Variants in SGK1 observed in about 807,000 individuals in gnomAD.
SGK1 encodes serum/glucocorticoid regulated kinase 1.
SGK1 carries 26 observed loss-of-function variants against 64.2 expected under a neutral mutation model. The observed-to-expected ratio is 0.40, with a 90% CI of 0.30 to 0.56. SGK1 has a LOEUF of 0.56. Among genes scored for constraint, SGK1 ranks in the 20% least tolerant of loss-of-function variants. The probability of loss-of-function intolerance (pLI) is 0.38; values close to 1 mark genes in which losing one functional copy is unlikely to be tolerated. For synonymous variants in SGK1, 265 were observed against 239.7 expected, an observed-to-expected ratio of 1.11 and a Z score of -0.98; for missense variants, 519 against 645.6, an observed-to-expected ratio of 0.80 and a Z score of 2.12.
intron 1 of SGK1, among the ~76,000 whole-genome samples, chr6:134,268,446 C>T (rs1390660709): frequency 6.6e-6 from 1 of 152,104 alleles, no homozygotes; most frequent in Non-Finnish European, 1.5e-5. Flanking sequence ...AATTCCCAGG[C>T]CGGGCGCTGT....
intron 2 of SGK1, among the ~76,000 whole-genome samples, chr6:134,235,737 A>G (rs181294925): frequency 3.6e-4 from 54 of 151,528 alleles, no homozygotes; most frequent in Middle Eastern, 3.4e-3. Context: ...ATGCCTGGCT[A>G]ATTTTTTTTG....
intron 1 of SGK1, among the ~76,000 whole-genome samples, chr6:134,279,199 A>T (rs915302475): frequency 1.3e-5 from 2 of 152,192 alleles, no homozygotes; most frequent in Non-Finnish European, 2.9e-5. Flanking sequence ...TGGGAAGCCT[A>T]CATGGGTGGA....
chr6:134,199,015 A>T (rs1775638219), intron 3 of SGK1, among the ~76,000 whole-genome samples: 1 of 152,070 alleles, frequency 6.6e-6, no homozygotes, highest in Non-Finnish European at 1.5e-5. Context: ...CTTCCTTAGT[A>T]GCTGGGACCA....
At chr6:134,263,534 T>G (rs1386006247) in intron 1 of SGK1, among the ~76,000 whole-genome samples, 1 of 152,020 alleles carries the variant, frequency 6.6e-6, no homozygotes, top group Admixed American at 6.6e-5. Context: ...CCGGCCCATA[T>G]ATACTACTGC....
intron 1 of SGK1, among the ~76,000 whole-genome samples, chr6:134,291,872 C>T (rs894331279): frequency 6.6e-6 from 1 of 152,030 alleles, no homozygotes; most frequent in South Asian, 2.1e-4. Context: ...ACCAGCCTGA[C>T]CAACATGGTG....
chr6:134,298,018 G>T, intron 1 of SGK1: 1 of 888,234 alleles, frequency 1.1e-6, no homozygotes, highest in Non-Finnish European at 1.9e-6. Flanking sequence ...ATCTGGGACT[G>T]CAGCTCCCGA....
At chr6:134,175,409 A>G (rs1357638902) in intron 3 of SGK1, 17 of 1,289,686 alleles carry the variant, frequency 1.3e-5, no homozygotes, top group Admixed American at 1.2e-4. Context: ...TGCGCGCGCG[A>G]CCTCGCCCGC....
chr6:134,180,902 T>C (rs1775321526), intron 3 of SGK1, among the ~76,000 whole-genome samples: 1 of 151,214 alleles, frequency 6.6e-6, no homozygotes, highest in Non-Finnish European at 1.5e-5. Flanking sequence ...TCTGGCCTTA[T>C]ATTTTTGGCA....
intron 2 of SGK1, among the ~76,000 whole-genome samples, chr6:134,218,453 T>TC (rs1776024400): frequency 6.7e-6 from 1 of 150,116 alleles, no homozygotes; most frequent in Non-Finnish European, 1.5e-5. Flanking sequence ...TTTTTTTTTT[T>TC]GAGAGAGTCT....
At chr6:134,293,202 T>C (rs551480797) in intron 1 of SGK1, among the ~76,000 whole-genome samples, 206 of 152,314 alleles carry the variant, frequency 1.4e-3, no homozygotes, top group Non-Finnish European at 2.1e-3. Flanking sequence ...CACTATTACA[T>C]TGAAAACAAT....
At chr6:134,220,112 A>G (rs1203944217) in intron 2 of SGK1, among the ~76,000 whole-genome samples, 4 of 149,480 alleles carry the variant, frequency 2.7e-5, no homozygotes, top group African/African-American at 9.8e-5. Flanking sequence ...AGAAAAACAC[A>G]TATAATTAAA....
At chr6:134,307,460 G>C (rs1190845739) in intron 1 of SGK1, among the ~76,000 whole-genome samples, 1 of 152,178 alleles carries the variant, frequency 6.6e-6, no homozygotes, top group Non-Finnish European at 1.5e-5. Context: ...GTCTCTGCGG[G>C]GGATTGATTC....
intron 3 of SGK1, among the ~76,000 whole-genome samples, chr6:134,175,161 G>A (rs1001128667): frequency 6.6e-6 from 1 of 152,180 alleles, no homozygotes; most frequent in Non-Finnish European, 1.5e-5. Flanking sequence ...GGGGAGGGCC[G>A]GAGAGCCCGG....
intron 1 of SGK1, chr6:134,298,333 T>C (rs754772699): frequency 1.2e-5 from 19 of 1,568,374 alleles, no homozygotes; most frequent in African/African-American, 2.7e-5. Context: ...GAGGCTCCAC[T>C]TGGTCTCTAG....
In SGK1 at chr6:134,169,767, C is replaced by T. The variant is rs1398945010; in HGVS notation, c.*501G>A. 6.5e-6 allele frequency: 1 copy of T among 152,710 alleles called. No homozygotes were observed. Among genetic ancestry groups the T allele is most frequent in the Non-Finnish European group, 1.5e-5 (1 of 68,122 alleles). The allele number at this position is 152,710 out of a possible 1,614,324, so 9.5% of individuals were successfully genotyped here. On this transcript the variant is annotated 3_prime_UTR_variant, in exon 14 of 14. Transcript: ENST00000367858. ...ACGTTGTAGTGTCCTGCAAGTGTCA[C>T]ATTGATGCTTATAACAAAATCCATC...
At chr6:134,233,361 G>A (rs986084286) in intron 2 of SGK1, among the ~76,000 whole-genome samples, 2 of 152,122 alleles carry the variant, frequency 1.3e-5, no homozygotes, top group African/African-American at 2.4e-5. Flanking sequence ...TTCATGTTGC[G>A]TCACTGGGTA....
intron 1 of SGK1, among the ~76,000 whole-genome samples, chr6:134,314,668 A>T (rs2114805937): frequency 6.6e-6 from 1 of 152,356 alleles, no homozygotes; most frequent in Non-Finnish European, 1.5e-5. Context: ...ACAAGGGCAG[A>T]TAACCTATAT....
intron 3 of SGK1, among the ~76,000 whole-genome samples, chr6:134,206,242 A>T (rs926273306): frequency 6.7e-6 from 1 of 150,292 alleles, no homozygotes; most frequent in Non-Finnish European, 1.5e-5. Flanking sequence ...TGCCCACTTT[A>T]TTCAACTCCT....
At position 134,188,779 on chromosome 6, in the gene SGK1, C is replaced by A. The variant is rs868261826; in HGVS notation, c.362-14193G>T. On this transcript the variant is annotated intron_variant, in intron 3 of 13. Coordinates refer to ENST00000367858, the MANE Select transcript of SGK1 (RefSeq NM_001143676.3). ...TCAGGGTCTTGCTTTGTCACCCAGG[C>A]TGGAGTGCAGTGGTGTGATCATGGC... Among the ~76,000 whole-genome samples, 8 of 152,166 alleles carry A rather than the reference C, an allele frequency of 5.3e-5. No homozygotes were observed. In the Middle Eastern group the frequency reaches 0.01, roughly 194 times the overall value.
Sources: allele counts gnomAD v4.1 joint callset (sites outside exome capture counted in the v4.1 genomes callset), GRCh38; gene constraint gnomAD v4.1.1; transcripts MANE v1.5; gene names NCBI Gene and HGNC (gene_info 2026-07-23, HGNC 2026-07-21).